The following ALK variants were observed in gnomAD, a reference collection of about 807,000 sequenced individuals.
ALK encodes the protein ALK receptor tyrosine kinase.
A neutral mutation model predicts 163.1 loss-of-function variants in ALK; 74 were observed. The observed-to-expected ratio is 0.45, with a 90% CI of 0.38 to 0.55. ALK has a LOEUF of 0.55. Among genes scored for constraint, ALK ranks in the 20% least tolerant of loss-of-function variants. The probability of loss-of-function intolerance (pLI) is 0.00; values close to 1 mark genes in which losing one functional copy is unlikely to be tolerated. For missense variants in ALK, 2,063 were observed against 2,105.3 expected, an observed-to-expected ratio of 0.98 and a Z score of 0.39; for synonymous variants, 960 against 843.2, an observed-to-expected ratio of 1.14 and a Z score of -2.40.
rs890200171 is a variant in ALK, at chr2:29,921,060, TC to T, written c.-402del. 2 of 261,520 alleles carry T rather than the reference TC, an allele frequency of 7.6e-6. No individual in the cohort carries two copies. Among genetic ancestry groups the T allele is most frequent in the Non-Finnish European group, 1.5e-5 (2 of 136,976 alleles). The allele number at this position is 261,520 out of a possible 1,614,324, so 16.2% of individuals were successfully genotyped here. A position where few individuals can be genotyped will look rare whatever the true frequency, so the allele number is the denominator to read the frequency against. ...CCCCCGCAGTCGGAGCTGGGGTCTGTCCCCTCTCGGGGCAGCCTCCAATCTC... is the reference window on the plus strand; with the variant it reads ...CCCCCGCAGTCGGAGCTGGGGTCTGTCCCTCTCGGGGCAGCCTCCAATCTC... On this transcript the variant is annotated 5_prime_UTR_variant, in exon 1 of 29. Coordinates refer to ENST00000389048, the MANE Select transcript of ALK (RefSeq NM_004304.5).
In ALK at chr2:29,874,454, G is replaced by C. The variant is rs78120280; in HGVS notation, c.667+45539C>G. On this transcript the variant is annotated intron_variant, in intron 1 of 28. Coordinates refer to ENST00000389048, the MANE Select transcript of ALK (RefSeq NM_004304.5). ...AAGAACTCAGACAACATGAAAATTT[G>C]GACAATTTAAGTCAGGGCTAGTGCT... 3.8e-4 allele frequency among the ~76,000 whole-genome samples: 58 copies of C among 152,206 alleles called. No homozygotes were observed. In the East Asian group the frequency reaches 0.01, roughly 27 times the overall value.
rs770578645 is a variant in ALK at position 29,288,951 on chromosome 2, C to CAA, written c.1817+7935_1817+7936dup. Reference sequence around the variant, plus strand: ...TGGGCGACAGAGGGAGACTCCTTCTCAAAAAAATAAATAAATAAATAAATA... The same window carrying CAA: ...TGGGCGACAGAGGGAGACTCCTTCTCAAAAAAAAATAAATAAATAAATAAATA... On this transcript the variant is annotated intron_variant, in intron 9 of 28. Transcript: ENST00000389048. Among the ~76,000 whole-genome samples the CAA allele has an allele frequency of 6.0e-3, 145 of 24,188 alleles. 27 individuals are homozygous for CAA. The South Asian group carries it at 0.15, about 25-fold the overall frequency. 15.9% of individuals were successfully genotyped at this position (24,188 alleles called of 152,430 possible). A position where few individuals can be genotyped will look rare whatever the true frequency, so the allele number is the denominator to read the frequency against.
intron 3 of ALK, among the ~76,000 whole-genome samples, chr2:29,610,596 T>C (rs933715400): frequency 6.6e-6 from 1 of 152,248 alleles, no homozygotes; most frequent in Admixed American, 6.5e-5. Flanking sequence ...CTTGGTCTGT[T>C]GGAGACAAAG....
intron 1 of ALK, among the ~76,000 whole-genome samples, chr2:29,900,938 G>A (rs563905583): frequency 6.6e-6 from 1 of 151,978 alleles, no homozygotes; most frequent in African/African-American, 2.4e-5. Flanking sequence ...TACTCCACAG[G>A]CTTCCAGAAA....
chr2:29,785,224 C>T (rs1035516048), intron 1 of ALK, among the ~76,000 whole-genome samples: 2 of 151,950 alleles, frequency 1.3e-5, no homozygotes, highest in African/African-American at 4.8e-5. Context: ...AGGAGTTAGA[C>T]ACAAGCAGAG....
At chr2:29,322,397 A>G (rs781362562) in intron 6 of ALK, among the ~76,000 whole-genome samples, 1 of 151,936 alleles carries the variant, frequency 6.6e-6, no homozygotes, top group Non-Finnish European at 1.5e-5. Flanking sequence ...ACATGTTTCT[A>G]TGATTAAAAA....
chr2:29,813,371 C>A (rs1258201190), intron 1 of ALK, among the ~76,000 whole-genome samples: 1 of 152,084 alleles, frequency 6.6e-6, no homozygotes, highest in Non-Finnish European at 1.5e-5. Context: ...AGAGATGTCA[C>A]AAGCTAGAAT....
At chr2:29,882,832 C>G (rs978918012) in intron 1 of ALK, among the ~76,000 whole-genome samples, 1 of 152,186 alleles carries the variant, frequency 6.6e-6, no homozygotes, top group East Asian at 1.9e-4. Context: ...AGATAAACAA[C>G]AAATACAACT....
intron 4 of ALK, among the ~76,000 whole-genome samples, chr2:29,482,710 A>G (rs1312259789): frequency 6.7e-6 from 1 of 149,238 alleles, no homozygotes; most frequent in East Asian, 2.0e-4. Flanking sequence ...ATGACAGAGC[A>G]GGAGAGTGCC....
At chr2:29,887,205 C>T (rs1281399789) in intron 1 of ALK, among the ~76,000 whole-genome samples, 1 of 152,184 alleles carries the variant, frequency 6.6e-6, no homozygotes, top group Non-Finnish European at 1.5e-5. Context: ...TTCCATGTGG[C>T]ATGAGCTGGA....
At chr2:29,510,760 GA>G (rs1444738403) in intron 4 of ALK, among the ~76,000 whole-genome samples, 1 of 152,166 alleles carries the variant, frequency 6.6e-6, no homozygotes, top group Non-Finnish European at 1.5e-5. Context: ...TGGGACACTG[GA>G]GTTTTATTTT....
At chr2:29,707,372 G>C (rs1295400098) in intron 2 of ALK, among the ~76,000 whole-genome samples, 2 of 152,032 alleles carry the variant, frequency 1.3e-5, no homozygotes, top group Non-Finnish European at 2.9e-5. Context: ...TACCCTTCAG[G>C]GAAGGGTCCC....
intron 1 of ALK, among the ~76,000 whole-genome samples, chr2:29,873,247 G>C (rs144766065): frequency 3.3e-5 from 5 of 152,188 alleles, no homozygotes; most frequent in African/African-American, 1.2e-4. Context: ...TCTAGAATTT[G>C]GTGGCTTGAT....
chr2:29,896,155 A>C (rs1159893916), intron 1 of ALK, among the ~76,000 whole-genome samples: 1 of 152,234 alleles, frequency 6.6e-6, no homozygotes, highest in Non-Finnish European at 1.5e-5. Context: ...GGGAGCACAA[A>C]GCCCTTGTGT....
At chr2:29,607,712 G>C (rs548826132) in intron 3 of ALK, among the ~76,000 whole-genome samples, 15 of 152,116 alleles carry the variant, frequency 9.9e-5, no homozygotes, top group African/African-American at 3.6e-4. Context: ...CTCCCTCTCA[G>C]CCACTGTACG....
At chr2:29,534,877 T>A (rs1396315028) in intron 3 of ALK, among the ~76,000 whole-genome samples, 1 of 152,186 alleles carries the variant, frequency 6.6e-6, no homozygotes, top group Non-Finnish European at 1.5e-5. Flanking sequence ...TTCTAATATG[T>A]GAGATGATGT....
At chr2:29,334,108 A>T (rs1042170892) in intron 5 of ALK, among the ~76,000 whole-genome samples, 1 of 152,082 alleles carries the variant, frequency 6.6e-6, no homozygotes, top group African/African-American at 2.4e-5. Flanking sequence ...TCTAGATCTC[A>T]CCACCTCATC....
intron 5 of ALK, among the ~76,000 whole-genome samples, chr2:29,379,696 C>G (rs189837057): frequency 6.6e-6 from 1 of 151,974 alleles, no homozygotes; most frequent in Non-Finnish European, 1.5e-5. Context: ...CACATGAAAG[C>G]GCCACAAAAG....
intron 3 of ALK, among the ~76,000 whole-genome samples, chr2:29,671,651 A>G (rs1482471187): frequency 6.6e-6 from 1 of 151,988 alleles, no homozygotes; most frequent in Non-Finnish European, 1.5e-5. Context: ...ATTGTGGGGT[A>G]GGGGTGTCAC....
Sources: gnomAD v4.1 joint callset for allele counts (sites outside exome capture counted in the v4.1 genomes callset) on GRCh38, gnomAD v4.1.1 for gene constraint, MANE v1.5 for transcripts, NCBI Gene and HGNC (gene_info 2026-07-23, HGNC 2026-07-21) for gene names.